Variants in H3C12 observed in about 807,000 individuals in gnomAD.
The protein encoded by H3C12 is H3 clustered histone 12, also known as histone H3.1.
H3C12 carries 7 observed loss-of-function variants against 7.0 expected under a neutral mutation model. The ratio of observed to expected loss-of-function variants is 1.00; its 90% CI spans 0.57 to 1.87. The LOEUF (loss-of-function observed/expected upper bound fraction) is 1.87, where lower values mean the gene tolerates loss of function less well. Ranked by LOEUF, H3C12 falls within the 40% of genes most tolerant of loss-of-function variation. The pLI is 0.00. For synonymous variants in H3C12, 100 were observed against 78.5 expected, an observed-to-expected ratio of 1.27 and a Z score of -1.45; for missense variants, 167 against 191.4, an observed-to-expected ratio of 0.87 and a Z score of 0.75.
Position 27,890,429 on chromosome 6 carries a change from G to A in H3C12, c.364C>T (p.Pro122Ser), listed in dbSNP as rs1761874876. 2 of 1,612,200 alleles carry A rather than the reference G, an allele frequency of 1.2e-6. No homozygotes were observed. The highest frequency in any genetic ancestry group is 1.7e-5 in the Admixed American group (1 of 59,912). The change falls in exon 1 of 1, where the codon CCT becomes TCT. Residue 122 changes from proline (P) to serine (S), a missense_variant. Transcript: ENST00000359303. ...AIHAKRVTIMPKDIQLARRIR... is the reference protein window; with the variant it reads ...AIHAKRVTIMSKDIQLARRIR... ...CGACGCGCAAGCTGGATGTCCTTAG[G>A]CATAATAGTGACACGCTTGGCGTGA...
chr6:27,890,824 G>A lies in H3C12; in HGVS notation c.-32C>T, dbSNP rs968143597. On this transcript the variant is annotated 5_prime_UTR_variant, in exon 1 of 1. Coordinates refer to ENST00000359303, the MANE Select transcript of H3C12 (RefSeq NM_003535.3). ...GAAAGCTATGCTCTGAAAGCAAGCA[G>A]CTGAATGAGCAGTGGCTTCTACCAG... 8 of 1,579,202 alleles carry A rather than the reference G, an allele frequency of 5.1e-6. No individual in the cohort carries two copies. In the African/African-American group the frequency reaches 1.1e-4, roughly 21 times the overall value.
At position 27,890,804 on chromosome 6, in the gene H3C12, C is replaced by T; in HGVS notation, c.-12G>A. The stretch of plus-strand genomic sequence containing the variant: ...TTCGTCCGGGCCATAGTTGAGAAAG[C>T]TATGCTCTGAAAGCAAGCAGCTGAA... On this transcript the variant is annotated 5_prime_UTR_variant, in exon 1 of 1. Coordinates refer to ENST00000359303, the MANE Select transcript of H3C12 (RefSeq NM_003535.3). The T allele has an allele frequency of 6.3e-7, 1 of 1,599,700 alleles. No individual in the cohort carries two copies. Among genetic ancestry groups the T allele is most frequent in the Non-Finnish European group, 8.5e-7 (1 of 1,175,138 alleles).
Position 27,890,806 on chromosome 6 carries a change from A to G in H3C12, c.-14T>C. ...CGTCCGGGCCATAGTTGAGAAAGCT[A>G]TGCTCTGAAAGCAAGCAGCTGAATG... On this transcript the variant is annotated 5_prime_UTR_variant, in exon 1 of 1. Coordinates refer to ENST00000359303, the MANE Select transcript of H3C12 (RefSeq NM_003535.3). 6.3e-7 allele frequency: 1 copy of G among 1,598,390 alleles called. No homozygotes were observed. The highest frequency in any genetic ancestry group is 1.1e-5 in the South Asian group (1 of 88,594).
chr6:27,890,370 T>G lies in H3C12; in HGVS notation c.*12A>C. The G allele has an allele frequency of 6.5e-7, 1 of 1,547,306 alleles. No individual in the cohort carries two copies. On this transcript the variant is annotated 3_prime_UTR_variant, in exon 1 of 1. Coordinates refer to ENST00000359303, the MANE Select transcript of H3C12 (RefSeq NM_003535.3). ...TTGGAAGCAATTAAGAAACCCAAGA[T>G]AGAGCAGGGGATTATGCTCGCTCGC...
rs775659971 is a variant in H3C12 at position 27,890,451 on chromosome 6, G to A, written c.342C>T (p.His114=). The A allele has an allele frequency of 1.9e-6, 3 of 1,613,864 alleles. No individual in the cohort carries two copies. Among genetic ancestry groups the A allele is most frequent in the South Asian group, 1.1e-5 (1 of 91,062 alleles). The change falls in exon 1 of 1, where the codon CAC becomes CAT. Residue 114 remains histidine (H), a synonymous_variant. Transcript: ENST00000359303. The part of the protein sequence containing the change: ...LFEDTNLCAI[H]AKRVTIMPKD... ...TAGGCATAATAGTGACACGCTTGGC[G>A]TGAATAGCACAGAGGTTGGTGTCTT...
In H3C12 at chr6:27,890,768, G is replaced by A. The variant is rs1478747403; in HGVS notation, c.25C>T (p.Arg9Cys). The A allele has an allele frequency of 6.2e-7, 1 of 1,613,604 alleles. No homozygotes were observed. The highest frequency in any genetic ancestry group is 1.7e-5 in the Admixed American group (1 of 59,892). MARTKQTA[R>C]KSTGGKAPRK... ...GGTGCCTTGCCGCCGGTAGACTTGC[G>A]AGCTGTCTGCTTCGTCCGGGCCATA... The change falls in exon 1 of 1, where the codon CGC becomes TGC. Residue 9 changes from arginine to cysteine, a missense_variant. Arg to Cys is a radical substitution (Grantham distance 180). This residue lies in a region of H3C12 where 46 missense variants were observed against 78.9 expected (regional missense o/e 0.58). Coordinates refer to ENST00000359303, the MANE Select transcript of H3C12 (RefSeq NM_003535.3).
chr6:27,890,807 T>C lies in H3C12; in HGVS notation c.-15A>G. ...GTCCGGGCCATAGTTGAGAAAGCTA[T>C]GCTCTGAAAGCAAGCAGCTGAATGA... On this transcript the variant is annotated 5_prime_UTR_variant, in exon 1 of 1. Coordinates refer to ENST00000359303, the MANE Select transcript of H3C12 (RefSeq NM_003535.3). The C allele has an allele frequency of 3.1e-6, 5 of 1,598,280 alleles. No homozygotes were observed. The highest frequency in any genetic ancestry group is 4.3e-6 in the Non-Finnish European group (5 of 1,174,522).
rs1313168848 is a variant in H3C12, at chr6:27,890,749, T to C, written c.44A>G (p.Lys15Arg). 1 of 1,613,678 alleles carries C rather than the reference T, an allele frequency of 6.2e-7. No individual in the cohort carries two copies. The change falls in exon 1 of 1, where the codon AAG becomes AGG. Residue 15 changes from lysine to arginine, a missense_variant. Physicochemically the swap from Lys to Arg is conservative, Grantham distance 26 (BLOSUM62 2). Around this residue, in one of 2 missense-constraint regions of H3C12, gnomAD observed 46 missense variants for 78.9 expected, o/e 0.58. Coordinates refer to ENST00000359303, the MANE Select transcript of H3C12 (RefSeq NM_003535.3). ...KQTARKSTGG[K>R]APRKQLATKA... ...GGTGGCCAGCTGCTTCCGCGGTGCC[T>C]TGCCGCCGGTAGACTTGCGAGCTGT...
rs759280383 is a variant in H3C12 at position 27,890,443 on chromosome 6, C to G, written c.350G>C (p.Arg117Pro). Residue 117 changes from arginine to proline, a missense_variant, in exon 1 of 1, where the codon CGT becomes CCT. Arg to Pro is a moderately radical substitution (Grantham distance 103). Coordinates refer to ENST00000359303, the MANE Select transcript of H3C12 (RefSeq NM_003535.3). ...GATGTCCTTAGGCATAATAGTGACA[C>G]GCTTGGCGTGAATAGCACAGAGGTT... is the stretch of plus-strand genomic sequence containing the variant. ...DTNLCAIHAK[R>P]VTIMPKDIQL... The G allele has an allele frequency of 4.3e-6, 7 of 1,613,476 alleles. No individual in the cohort carries two copies. Among genetic ancestry groups the G allele is most frequent in the African/African-American group, 1.3e-5 (1 of 75,056 alleles).
chr6:27,890,732 G>C lies in H3C12; in HGVS notation c.61C>G (p.Leu21Val). 1 of 1,613,916 alleles carries C rather than the reference G, an allele frequency of 6.2e-7. No homozygotes were observed. Among genetic ancestry groups the C allele is most frequent in the Non-Finnish European group, 8.5e-7 (1 of 1,179,944 alleles). The change falls in exon 1 of 1, where the codon CTG becomes GTG. Residue 21 changes from leucine (L) to valine (V), a missense_variant. This residue lies in a region of H3C12 where 46 missense variants were observed against 78.9 expected (regional missense o/e 0.58). Coordinates refer to ENST00000359303, the MANE Select transcript of H3C12 (RefSeq NM_003535.3). The stretch of plus-strand genomic sequence containing the variant: ...CTTTTGCGCGCTGCCTTGGTGGCCA[G>C]CTGCTTCCGCGGTGCCTTGCCGCCG... ...STGGKAPRKQ[L>V]ATKAARKSAP...
Position 27,890,796 on chromosome 6 carries a change from T to C in H3C12, c.-4A>G. The stretch of plus-strand genomic sequence containing the variant: ...CTGTCTGCTTCGTCCGGGCCATAGT[T>C]GAGAAAGCTATGCTCTGAAAGCAAG... On this transcript the variant is annotated 5_prime_UTR_variant, in exon 1 of 1. Transcript: ENST00000359303. 2 of 1,606,488 alleles carry C rather than the reference T, an allele frequency of 1.2e-6. No individual in the cohort carries two copies. Among genetic ancestry groups the C allele is most frequent in the Non-Finnish European group, 1.7e-6 (2 of 1,177,324 alleles).
Position 27,890,342 on chromosome 6 carries a change from A to G in H3C12, c.*40T>C. On this transcript the variant is annotated 3_prime_UTR_variant, in exon 1 of 1. Coordinates refer to ENST00000359303, the MANE Select transcript of H3C12 (RefSeq NM_003535.3). ...AGTGGCTCTGAAAAGAGCCTTTGGA[A>G]GCTTGGAAGCAATTAAGAAACCCAA... 1 of 1,516,392 alleles carries G rather than the reference A, an allele frequency of 6.6e-7. No homozygotes were observed. Among genetic ancestry groups the G allele is most frequent in the Non-Finnish European group, 8.8e-7 (1 of 1,132,146 alleles). 93.9% of individuals were successfully genotyped at this position (1,516,392 alleles called of 1,614,324 possible). A position where few individuals can be genotyped will look rare whatever the true frequency, so the allele number is the denominator to read the frequency against.
In H3C12 at chr6:27,890,369, A is replaced by G. The variant is rs758616223; in HGVS notation, c.*13T>C. ...CTTGGAAGCAATTAAGAAACCCAAG[A>G]TAGAGCAGGGGATTATGCTCGCTCG... On this transcript the variant is annotated 3_prime_UTR_variant, in exon 1 of 1. Coordinates refer to ENST00000359303, the MANE Select transcript of H3C12 (RefSeq NM_003535.3). 7.8e-6 allele frequency: 12 copies of G among 1,546,772 alleles called. No individual in the cohort carries two copies. Among genetic ancestry groups the G allele is most frequent in the Non-Finnish European group, 1.0e-5 (12 of 1,147,076 alleles).
chr6:27,890,594 G>C lies in H3C12; in HGVS notation c.199C>G (p.Pro67Ala), dbSNP rs1288614107. Residue 67 changes from proline to alanine, a missense_variant, in exon 1 of 1, where the codon CCA becomes GCA. By Grantham distance (27) the Pro-to-Ala change is conservative (BLOSUM62 -1). Coordinates refer to ENST00000359303, the MANE Select transcript of H3C12 (RefSeq NM_003535.3). ...ATTTCTCGCACCAGGCGCTGAAATG[G>C]CAGTTTGCGGATGAGCAGCTCAGTC... is the stretch of plus-strand genomic sequence containing the variant. ...KSTELLIRKL[P>A]FQRLVREIAQ... 3 of 1,614,126 alleles carry C rather than the reference G, an allele frequency of 1.9e-6. No individual in the cohort carries two copies. Among genetic ancestry groups the C allele is most frequent in the Non-Finnish European group, 2.5e-6 (3 of 1,180,032 alleles).
rs747426880 is a variant in H3C12 at position 27,890,753 on chromosome 6, C to T, written c.40G>A (p.Gly14Ser). The change falls in exon 1 of 1, where the codon GGC becomes AGC. Residue 14 changes from glycine (G) to serine (S), a missense_variant. Around this residue, in one of 2 missense-constraint regions of H3C12, gnomAD observed 46 missense variants for 78.9 expected, o/e 0.58. Transcript: ENST00000359303. ...TKQTARKSTG[G>S]KAPRKQLATK... ...GCCAGCTGCTTCCGCGGTGCCTTGC[C>T]GCCGGTAGACTTGCGAGCTGTCTGC... is the stretch of plus-strand genomic sequence containing the variant. 8 of 1,613,684 alleles carry T rather than the reference C, an allele frequency of 5.0e-6. No homozygotes were observed. The highest frequency in any genetic ancestry group is 6.8e-6 in the Non-Finnish European group (8 of 1,179,852).
chr6:27,890,549 C>T lies in H3C12; in HGVS notation c.244G>A (p.Asp82Asn). 1 of 1,614,270 alleles carries T rather than the reference C, an allele frequency of 6.2e-7. No homozygotes were observed. Among genetic ancestry groups the T allele is most frequent in the African/African-American group, 1.3e-5 (1 of 75,076 alleles). Residue 82 changes from aspartate (D) to asparagine (N), a missense_variant, in exon 1 of 1, where the codon GAC becomes AAC. By Grantham distance (23) the Asp-to-Asn change is conservative. Coordinates refer to ENST00000359303, the MANE Select transcript of H3C12 (RefSeq NM_003535.3). ...VREIAQDFKT[D>N]LRFQSSAVMA... ...ACCGCCGAGCTCTGGAAACGAAGGT[C>T]GGTTTTGAAATCCTGCGCGATTTCT...
chr6:27,890,603 G>A lies in H3C12; in HGVS notation c.190C>T (p.Arg64Cys). The change falls in exon 1 of 1, where the codon CGC (arginine) becomes TGC (cysteine). Residue 64 changes from arginine to cysteine, a missense_variant. Arg to Cys is a radical substitution (Grantham distance 180). Coordinates refer to ENST00000359303, the MANE Select transcript of H3C12 (RefSeq NM_003535.3). Reference protein sequence around the residue: ...RYQKSTELLIRKLPFQRLVRE... With the variant: ...RYQKSTELLICKLPFQRLVRE... Reference sequence around the variant, plus strand: ...ACCAGGCGCTGAAATGGCAGTTTGCGGATGAGCAGCTCAGTCGACTTCTGA... The same window carrying A: ...ACCAGGCGCTGAAATGGCAGTTTGCAGATGAGCAGCTCAGTCGACTTCTGA... The A allele has an allele frequency of 1.9e-6, 3 of 1,614,208 alleles. No individual in the cohort carries two copies. Among genetic ancestry groups the A allele is most frequent in the Non-Finnish European group, 2.5e-6 (3 of 1,180,016 alleles).
At position 27,890,683 on chromosome 6, in the gene H3C12, T is replaced by G; in HGVS notation, c.110A>C (p.Lys37Thr). The change falls in exon 1 of 1, where the codon AAG becomes ACG. Residue 37 changes from lysine (K) to threonine (T), a missense_variant. Coordinates refer to ENST00000359303, the MANE Select transcript of H3C12 (RefSeq NM_003535.3). Reference protein sequence around the residue: ...RKSAPATGGVKKPHRYRPGTV... With the variant: ...RKSAPATGGVTKPHRYRPGTV... Reference sequence around the variant, plus strand: ...GCCTGGCCTGTAGCGGTGGGGCTTCTTCACACCGCCAGTCGCTGGAGCGCT... The same window carrying G: ...GCCTGGCCTGTAGCGGTGGGGCTTCGTCACACCGCCAGTCGCTGGAGCGCT... 1 of 1,614,212 alleles carries G rather than the reference T, an allele frequency of 6.2e-7. No individual in the cohort carries two copies. Among genetic ancestry groups the G allele is most frequent in the South Asian group, 1.1e-5 (1 of 91,084 alleles).
In H3C12 at chr6:27,890,767, C is replaced by T; in HGVS notation, c.26G>A (p.Arg9His). Residue 9 changes from arginine (R) to histidine (H), a missense_variant, in exon 1 of 1, where the codon CGC becomes CAC. This residue lies in a region of H3C12 where 46 missense variants were observed against 78.9 expected (regional missense o/e 0.58). Transcript: ENST00000359303. ...CGGTGCCTTGCCGCCGGTAGACTTG[C>T]GAGCTGTCTGCTTCGTCCGGGCCAT... MARTKQTA[R>H]KSTGGKAPRK... The T allele has an allele frequency of 6.2e-7, 1 of 1,613,502 alleles. No individual in the cohort carries two copies. The highest frequency in any genetic ancestry group is 8.5e-7 in the Non-Finnish European group (1 of 1,179,752).
Sources: gnomAD v4.1 joint callset for allele counts on GRCh38, gnomAD v4.1.1 for gene constraint, gnomAD v4.1.1 regional missense constraint, MANE v1.5 for transcripts, NCBI Gene and HGNC (gene_info 2026-07-23, HGNC 2026-07-21) for gene names.